The following SV2B variants were observed in gnomAD, a reference collection of about 807,000 sequenced individuals.
The protein encoded by SV2B is synaptic vesicle glycoprotein 2B, also known as solute carrier family 22 member B2.
Under a neutral mutation model 73.9 loss-of-function variants are expected in SV2B, and 41 were observed. The ratio of observed to expected loss-of-function variants is 0.56; its 90% CI spans 0.43 to 0.72. The LOEUF (loss-of-function observed/expected upper bound fraction) is 0.72. Among genes scored for constraint, SV2B ranks in the 30% least tolerant of loss-of-function variants. The pLI is 0.00. For synonymous variants in SV2B, 314 were observed against 314.2 expected (o/e 1.00, Z 0.01); for missense variants, 764 against 857.8 (o/e 0.89, Z 1.37).
intron 1 of SV2B, among the ~76,000 whole-genome samples, chr15:91,222,350 A>G (rs2046247844): frequency 1.3e-5 from 2 of 152,258 alleles, no homozygotes; most frequent in Non-Finnish European, 1.5e-5. Flanking sequence ...CGCTGGCACG[A>G]AGCCTCAAAG....
rs2048923988 is a variant in SV2B at position 91,288,136 on chromosome 15, G to A, written c.1709-1385G>A. 6.6e-6 allele frequency among the ~76,000 whole-genome samples: 1 copy of A among 152,176 alleles called. No individual in the cohort carries two copies. The highest frequency in any genetic ancestry group is 6.5e-5 in the Admixed American group (1 of 15,274). ...GCTGAGAAGGGCAAGTCAGATCTCT[G>A]GGGTGGGGATTCGGGTAAATGGGGA... On this transcript the variant is annotated intron_variant, in intron 11 of 12. Coordinates refer to ENST00000394232, the MANE Select transcript of SV2B (RefSeq NM_001323032.3). This position sits in a 1 kb window ranked among gnomAD's most constrained non-coding sequence, Gnocchi z 5.8.
Position 91,252,045 on chromosome 15 carries a change from C to T in SV2B, c.632+46C>T, listed in dbSNP as rs1466870825. On this transcript the variant is annotated intron_variant, in intron 3 of 12. Transcript: ENST00000394232. This position sits in a 1 kb window ranked among gnomAD's most constrained non-coding sequence, Gnocchi z 4.6. ...AGCTGGACCATCCCAGACCAATGGC[C>T]CATCCATTCTGGTATTCTAGCTCCA... is the stretch of plus-strand genomic sequence containing the variant. 1.3e-6 allele frequency: 2 copies of T among 1,593,850 alleles called. No individual in the cohort carries two copies. The highest frequency in any genetic ancestry group is 1.3e-5 in the African/African-American group (1 of 74,320).
At chr15:91,238,214 T>C (rs1039144634) in intron 2 of SV2B, among the ~76,000 whole-genome samples, 3 of 152,244 alleles carry the variant, frequency 2.0e-5, no homozygotes, top group Non-Finnish European at 2.9e-5. Context: ...ATAATAATTA[T>C]ACTACTATCA....
rs1238416124 is a variant in SV2B at position 91,252,766 on chromosome 15, C to T, written c.784+246C>T. On this transcript the variant is annotated intron_variant, in intron 4 of 12. Coordinates refer to ENST00000394232, the MANE Select transcript of SV2B (RefSeq NM_001323032.3). The surrounding 1 kb of genome is among the most constrained non-coding windows in gnomAD (Gnocchi z 4.6). ...TCCCTTCCTTCATTCTTCCCTTTCT[C>T]CTTCCCTCTCTCCCTTTCTTGTTTC... is the stretch of plus-strand genomic sequence containing the variant. Among the ~76,000 whole-genome samples, 2 of 152,052 alleles carry T rather than the reference C, an allele frequency of 1.3e-5. No homozygotes were observed. The highest frequency in any genetic ancestry group is 6.6e-5 in the Admixed American group (1 of 15,266).
rs2047181391 is a variant in SV2B at position 91,245,371 on chromosome 15, G to A, written c.452-6448G>A. Among the ~76,000 whole-genome samples, 1 of 152,204 alleles carries A rather than the reference G, an allele frequency of 6.6e-6. No individual in the cohort carries two copies. The highest frequency in any genetic ancestry group is 2.4e-5 in the African/African-American group (1 of 41,444). The stretch of plus-strand genomic sequence containing the variant: ...ATTAAGTGAAAAGCTAGACTATGAA[G>A]CTTTCGAGACAGAAAGATTTCTATC... On this transcript the variant is annotated intron_variant, in intron 2 of 12. Transcript: ENST00000394232. The surrounding 1 kb of genome is among the most constrained non-coding windows in gnomAD (Gnocchi z 4.2).
At chr15:91,109,576 T>G (rs2041983557) in intron 1 of SV2B, among the ~76,000 whole-genome samples, 1 of 152,200 alleles carries the variant, frequency 6.6e-6, no homozygotes. Flanking sequence ...GAGCGTGATT[T>G]GTTTTAATGA....
At chr15:91,203,546 A>G (rs2045533840) in intron 1 of SV2B, among the ~76,000 whole-genome samples, 1 of 152,244 alleles carries the variant, frequency 6.6e-6, no homozygotes, top group Admixed American at 6.5e-5. Flanking sequence ...TTCAAACACT[A>G]TTAAGTTTCT....
At chr15:91,150,858 A>G (rs1338171881) in intron 1 of SV2B, among the ~76,000 whole-genome samples, 4 of 152,220 alleles carry the variant, frequency 2.6e-5, no homozygotes, top group Non-Finnish European at 5.9e-5. Flanking sequence ...GGAAGCAGAG[A>G]CAAGAGAACA....
At chr15:91,108,123 C>T (rs1596409604) in intron 1 of SV2B, among the ~76,000 whole-genome samples, 1 of 152,050 alleles carries the variant, frequency 6.6e-6, no homozygotes, top group African/African-American at 2.4e-5. Context: ...GATTACCATA[C>T]CAGCTGAAGG....
chr15:91,163,897 G>A (rs572983771), intron 1 of SV2B, among the ~76,000 whole-genome samples: 131 of 152,278 alleles, frequency 8.6e-4, no homozygotes, highest in African/African-American at 3.0e-3. Flanking sequence ...ATGGTTTTAG[G>A]TCTAACATTT....
rs1299103779 is a variant in SV2B at position 91,252,003 on chromosome 15, T to G, written c.632+4T>G. On this transcript the variant is annotated splice_donor_region_variant and intron_variant, in intron 3 of 12. Coordinates refer to ENST00000394232, the MANE Select transcript of SV2B (RefSeq NM_001323032.3). The surrounding 1 kb of genome is among the most constrained non-coding windows in gnomAD (Gnocchi z 4.6). The stretch of plus-strand genomic sequence containing the variant: ...GCCGACTCATCTCAGGCATCGGGTA[T>G]GTTCTTAGGGAGGTGGAGCTGGACC... 6.2e-7 allele frequency: 1 copy of G among 1,613,842 alleles called. No homozygotes were observed. The highest frequency in any genetic ancestry group is 1.3e-5 in the African/African-American group (1 of 74,918).
At chr15:91,171,581 C>A (rs776031578) in intron 1 of SV2B, among the ~76,000 whole-genome samples, 1 of 152,012 alleles carries the variant, frequency 6.6e-6, no homozygotes, top group African/African-American at 2.4e-5. Flanking sequence ...TTTCTCAGAG[C>A]GGTTGGTTGG....
rs2049410947 is a variant in SV2B at position 91,300,613 on chromosome 15, G to C, written c.*8061G>C. ...GTGCCGGTTTTGGGGAGAGGTGAGA[G>C]TACCCAGATGTGGGTGACTATTTCC... On this transcript the variant is annotated 3_prime_UTR_variant, in exon 13 of 13. Coordinates refer to ENST00000394232, the MANE Select transcript of SV2B (RefSeq NM_001323032.3). The C allele has an allele frequency of 6.6e-6, 1 of 152,310 alleles. No homozygotes were observed. The highest frequency in any genetic ancestry group is 2.4e-5 in the African/African-American group (1 of 41,578). The allele number at this position is 152,310 out of a possible 1,614,324, so 9.4% of individuals were successfully genotyped here.
At chr15:91,273,968 T>C (rs991331863) in intron 9 of SV2B, among the ~76,000 whole-genome samples, 1 of 152,206 alleles carries the variant, frequency 6.6e-6, no homozygotes, top group Non-Finnish European at 1.5e-5. Context: ...TGTATAGATA[T>C]ATAATTATTA....
chr15:91,250,139 G>C, intron 2 of SV2B, among the ~76,000 whole-genome samples: 1 of 151,926 alleles, frequency 6.6e-6, no homozygotes, highest in East Asian at 1.9e-4. Flanking sequence ...AATTAAATTC[G>C]ACAGCACATT....
At chr15:91,107,470 G>A (rs559679851) in intron 1 of SV2B, among the ~76,000 whole-genome samples, 5 of 151,920 alleles carry the variant, frequency 3.3e-5, no homozygotes, top group East Asian at 3.9e-4. Context: ...GTGCCACCAC[G>A]CCCAGCTAAT....
In SV2B at chr15:91,141,955, A is replaced by G. The variant is rs978701894; in HGVS notation, c.-392+41592A>G. Among the ~76,000 whole-genome samples the G allele has an allele frequency of 2.6e-5, 4 of 152,150 alleles. 1 individual carries two copies. The highest frequency in any genetic ancestry group is 9.7e-5 in the African/African-American group (4 of 41,426). ...ATCCTCAGAGCTCCTGAGCAGAGGAATGGCACAAAGAGAGCAGGGAGGCAG... is the reference window on the plus strand; with the variant it reads ...ATCCTCAGAGCTCCTGAGCAGAGGAGTGGCACAAAGAGAGCAGGGAGGCAG... On this transcript the variant is annotated intron_variant, in intron 1 of 12. Coordinates refer to ENST00000394232, the MANE Select transcript of SV2B (RefSeq NM_001323032.3). The surrounding 1 kb of genome is among the most constrained non-coding windows in gnomAD (Gnocchi z 4.6).
rs776762296 is a variant in SV2B, at chr15:91,296,330, G to C, written c.*3778G>C. The C allele has an allele frequency of 6.6e-6, 1 of 152,206 alleles. No homozygotes were observed. Among genetic ancestry groups the C allele is most frequent in the Non-Finnish European group, 1.5e-5 (1 of 68,034 alleles). The allele number at this position is 152,206 out of a possible 1,614,324, so 9.4% of individuals were successfully genotyped here. On this transcript the variant is annotated 3_prime_UTR_variant, in exon 13 of 13. Coordinates refer to ENST00000394232, the MANE Select transcript of SV2B (RefSeq NM_001323032.3). ...GATGGCATATGACTGCAAATTCAAAGAAACCAATTTATAATAAGTTTATAG... is the reference window on the plus strand; with the variant it reads ...GATGGCATATGACTGCAAATTCAAACAAACCAATTTATAATAAGTTTATAG...
intron 6 of SV2B, among the ~76,000 whole-genome samples, chr15:91,262,445 A>G (rs1187092417): frequency 1.3e-5 from 2 of 152,146 alleles, no homozygotes; most frequent in African/African-American, 2.4e-5. Flanking sequence ...TATGGGACCA[A>G]TGCTTTTCCT....
Sources: allele counts gnomAD v4.1 joint callset (sites outside exome capture counted in the v4.1 genomes callset), GRCh38; gene constraint gnomAD v4.1.1; non-coding constraint Gnocchi (gnomAD v3.1); transcripts MANE v1.5; gene names NCBI Gene and HGNC (gene_info 2026-07-23, HGNC 2026-07-21).